Variants in PLXNA2 observed in about 807,000 individuals in gnomAD.
PLXNA2 encodes plexin A2.
PLXNA2 carries 91 observed loss-of-function variants against 193.5 expected under a neutral mutation model. The observed-to-expected ratio is 0.47, with a 90% CI of 0.40 to 0.56. The LOEUF is 0.56. Among genes scored for constraint, PLXNA2 ranks in the 20% least tolerant of loss-of-function variants. The pLI is 0.00. For missense variants in PLXNA2, 1,995 were observed against 2,503.2 expected (o/e 0.80, Z 4.33); for synonymous variants, 997 against 1,027.3 (o/e 0.97, Z 0.56).
At chr1:208,049,477 GA>G (rs1473066869) in intron 17 of PLXNA2, among the ~76,000 whole-genome samples, 1 of 152,076 alleles carries the variant, frequency 6.6e-6, no homozygotes, top group Admixed American at 6.6e-5. Context: ...ACACCTGGCA[GA>G]AGGAGGCATG....
intron 3 of PLXNA2, among the ~76,000 whole-genome samples, chr1:208,206,320 A>G (rs571118388): frequency 6.6e-6 from 1 of 152,368 alleles, no homozygotes; most frequent in South Asian, 2.1e-4. Flanking sequence ...TTCTATTATC[A>G]TGATGAAGAC....
At chr1:208,159,120 G>T (rs570526245) in intron 3 of PLXNA2, among the ~76,000 whole-genome samples, 3 of 152,294 alleles carry the variant, frequency 2.0e-5, no homozygotes, top group Non-Finnish European at 4.4e-5. Context: ...TCAACCTAGG[G>T]AGTGGGAGAA....
chr1:208,122,952 A>G (rs1188203583), intron 4 of PLXNA2, among the ~76,000 whole-genome samples: 1 of 152,206 alleles, frequency 6.6e-6, no homozygotes, highest in Non-Finnish European at 1.5e-5. Flanking sequence ...TCACCAAACT[A>G]GATTGCGCAA....
intron 3 of PLXNA2, among the ~76,000 whole-genome samples, chr1:208,194,570 T>A (rs1460783507): frequency 2.0e-5 from 3 of 151,558 alleles, no homozygotes; most frequent in Middle Eastern, 7.0e-3. Context: ...GCCACTTTCA[T>A]CTACATGTCT....
intron 9 of PLXNA2, among the ~76,000 whole-genome samples, chr1:208,085,628 G>A (rs1023320090): frequency 2.6e-5 from 4 of 152,214 alleles, no homozygotes; most frequent in African/African-American, 4.8e-5. Flanking sequence ...GTGCAATGCC[G>A]GCACAGCCTC....
At chr1:208,035,369 T>G (rs1345159409) in intron 26 of PLXNA2, among the ~76,000 whole-genome samples, 1 of 152,206 alleles carries the variant, frequency 6.6e-6, no homozygotes, top group Non-Finnish European at 1.5e-5. Flanking sequence ...TGGCTCTGCT[T>G]TCTTTCTGAC....
chr1:208,038,843 C>A lies in PLXNA2; in HGVS notation c.4642G>T (p.Ala1548Ser). Residue 1548 changes from alanine to serine, a missense_variant, in exon 25 of 32, where the codon GCA becomes TCA. Around this residue, in one of 3 missense-constraint regions of PLXNA2, gnomAD observed 1,291 missense variants for 1,673.6 expected, o/e 0.77. Coordinates refer to ENST00000367033, the MANE Select transcript of PLXNA2 (RefSeq NM_025179.4). The surrounding 1 kb of genome is among the most constrained non-coding windows in gnomAD (Gnocchi z 4.1). ...TTCCTACCCAAGTCCATGTCCACTG[C>A]CCTCGGCCGCTGGGAATAGGGCACA... ...KNVPYSQRPR[A>S]VDMDLEWRQG... 6.2e-7 allele frequency: 1 copy of A among 1,613,978 alleles called. No individual in the cohort carries two copies. Among genetic ancestry groups the A allele is most frequent in the Non-Finnish European group, 8.5e-7 (1 of 1,179,908 alleles).
intron 24 of PLXNA2, among the ~76,000 whole-genome samples, 157 bp downstream of exon 24, chr1:208,039,464 C>T (rs567787537): frequency 7.9e-5 from 12 of 152,332 alleles, no homozygotes; most frequent in African/African-American, 2.4e-4. Context: ...GGGCCTGCCA[C>T]CTTGCTCTTG....
rs147046242 is a variant in PLXNA2, at chr1:208,088,339, C to T, written c.2098-3759G>A. 1.8e-4 allele frequency among the ~76,000 whole-genome samples: 27 copies of T among 152,292 alleles called. No homozygotes were observed. The Middle Eastern group carries it at 0.01, about 58-fold the overall frequency. On this transcript the variant is annotated intron_variant, in intron 9 of 31. Coordinates refer to ENST00000367033, the MANE Select transcript of PLXNA2 (RefSeq NM_025179.4). ...CTGGGGACCCTTTAGCCCTCTGAAG[C>T]GACTTCTCCCATGTGGAAATGGCAT... is the stretch of plus-strand genomic sequence containing the variant.
chr1:208,105,555 GCCACCA>G (rs951039629), intron 4 of PLXNA2, among the ~76,000 whole-genome samples: 1 of 152,182 alleles, frequency 6.6e-6, no homozygotes, highest in East Asian at 1.9e-4. Flanking sequence ...ATAACATGCA[GCCACCA>G]CCACCACCAC....
Position 208,234,525 on chromosome 1 carries a change from T to C in PLXNA2, c.-81+9118A>G, listed in dbSNP as rs116342417. Among the ~76,000 whole-genome samples the C allele has an allele frequency of 7.2e-3, 1,094 of 152,274 alleles. 15 individuals carry two copies. Among genetic ancestry groups the C allele is most frequent in the African/African-American group, 0.025 (1,035 of 41,536 alleles). ...TTGCTTGGGGAGCTTCTTGGCCTACTAGAAGACAGCTAATGCTTCTCCCCA... is the reference window on the plus strand; with the variant it reads ...TTGCTTGGGGAGCTTCTTGGCCTACCAGAAGACAGCTAATGCTTCTCCCCA... On this transcript the variant is annotated intron_variant, in intron 1 of 31. Coordinates refer to ENST00000367033, the MANE Select transcript of PLXNA2 (RefSeq NM_025179.4).
chr1:208,070,815 G>A (rs1665953708), intron 12 of PLXNA2, among the ~76,000 whole-genome samples: 1 of 152,254 alleles, frequency 6.6e-6, no homozygotes, highest in Non-Finnish European at 1.5e-5. Context: ...TGGGTGCTGA[G>A]CTAAGTGTAA....
chr1:208,037,557 A>T (rs1405571930), intron 26 of PLXNA2, among the ~76,000 whole-genome samples: 1 of 151,986 alleles, frequency 6.6e-6, no homozygotes, highest in Non-Finnish European at 1.5e-5. Flanking sequence ...TAGTTGGTTT[A>T]ATTTCCCTTG....
Position 208,044,653 on chromosome 1 carries a change from C to G in PLXNA2, c.3729G>C (p.Ala1243=). The change falls in exon 20 of 32, where the codon GCG becomes GCC. Residue 1243 remains alanine, a synonymous_variant. Coordinates refer to ENST00000367033, the MANE Select transcript of PLXNA2 (RefSeq NM_025179.4). This position sits in a 1 kb window ranked among gnomAD's most constrained non-coding sequence, Gnocchi z 4.9. ...LLTLPAIVSI[A]AGGSLLLIIV... ...TGATGAGGAGGAGGCTGCCGCCGGC[C>G]GCGATGCTGACGATGGCTGGCAGGG... The G allele has an allele frequency of 6.2e-7, 1 of 1,614,042 alleles. No homozygotes were observed.
intron 3 of PLXNA2, among the ~76,000 whole-genome samples, chr1:208,173,103 C>G (rs1385907534): frequency 1.3e-5 from 2 of 152,206 alleles, no homozygotes; most frequent in Non-Finnish European, 2.9e-5. Flanking sequence ...AAGAGCAGGG[C>G]TCTCAGCCTC....
At chr1:208,113,845 T>G (rs1383732930) in intron 4 of PLXNA2, among the ~76,000 whole-genome samples, 1 of 152,150 alleles carries the variant, frequency 6.6e-6, no homozygotes, top group Non-Finnish European at 1.5e-5. Context: ...TGTGAGCCAC[T>G]GTGCCCAGCC....
intron 9 of PLXNA2, among the ~76,000 whole-genome samples, chr1:208,086,464 G>A (rs1666522129): frequency 6.6e-6 from 1 of 152,106 alleles, no homozygotes; most frequent in Non-Finnish European, 1.5e-5. Context: ...AAAGTGGCAT[G>A]TCCACATTTA....
chr1:208,040,873 C>T (rs1202321709), intron 22 of PLXNA2, among the ~76,000 whole-genome samples: 1 of 152,206 alleles, frequency 6.6e-6, no homozygotes, highest in Non-Finnish European at 1.5e-5. Context: ...CCCAGGGCTA[C>T]AGATCTGGGG....
At chr1:208,029,280 G>A (rs1173595687) in intron 29 of PLXNA2, 14 of 1,338,778 alleles carry the variant, frequency 1.0e-5, no homozygotes, top group South Asian at 1.5e-5. Context: ...TCTAACATCC[G>A]AGGGGTGGGC....
Sources: allele counts gnomAD v4.1 joint callset (sites outside exome capture counted in the v4.1 genomes callset), GRCh38; gene constraint gnomAD v4.1.1; regional missense constraint gnomAD v4.1.1; non-coding constraint Gnocchi (gnomAD v3.1); transcripts MANE v1.5; gene names NCBI Gene and HGNC (gene_info 2026-07-23, HGNC 2026-07-21).